Variants in EPB41L4A observed in about 807,000 individuals in gnomAD.
EPB41L4A encodes band 4.1-like protein 4A.
Under a neutral mutation model 108.6 loss-of-function variants are expected in EPB41L4A, and 100 were observed. The ratio of observed to expected loss-of-function variants is 0.92; its 90% CI spans 0.78 to 1.09. EPB41L4A has a LOEUF of 1.09. Ranked by LOEUF, EPB41L4A falls within the 50% of genes least tolerant of loss-of-function variation. The pLI is 0.00. For missense variants in EPB41L4A, 1,030 were observed against 842.7 expected (o/e 1.22, Z -2.75); for synonymous variants, 319 against 289.0 (o/e 1.10, Z -1.05).
chr5:112,366,569 C>T (rs1759134428), intron 1 of EPB41L4A, among the ~76,000 whole-genome samples: 1 of 152,042 alleles, frequency 6.6e-6, no homozygotes, highest in South Asian at 2.1e-4. Context: ...GAGCCGTGGC[C>T]TCTGCTGAGA....
intron 1 of EPB41L4A, among the ~76,000 whole-genome samples, chr5:112,408,613 T>G (rs1194769280): frequency 7.5e-6 from 1 of 133,330 alleles, no homozygotes; most frequent in Non-Finnish European, 1.5e-5. Flanking sequence ...AATCCCACTT[T>G]GGGAGAATCA....
intron 3 of EPB41L4A, among the ~76,000 whole-genome samples, chr5:112,277,264 C>A (rs1178666342): frequency 6.6e-6 from 1 of 152,138 alleles, no homozygotes; most frequent in Non-Finnish European, 1.5e-5. Flanking sequence ...GGCCTCAGAG[C>A]TGCTTCTATT....
intron 15 of EPB41L4A, among the ~76,000 whole-genome samples, chr5:112,199,053 G>C (rs1344522926): frequency 6.6e-6 from 1 of 152,134 alleles, no homozygotes; most frequent in African/African-American, 2.4e-5. Flanking sequence ...GGATGGTGCA[G>C]TGCACGTTAA....
At position 112,190,333 on chromosome 5, in the gene EPB41L4A, C is replaced by CGGTG. The variant is rs1761634165; in HGVS notation, c.1502+4234_1502+4235insCACC. 2.0e-5 allele frequency among the ~76,000 whole-genome samples: 3 copies of CGGTG among 151,970 alleles called. No homozygotes were observed. The South Asian group carries it at 6.2e-4, about 32-fold the overall frequency. ...AAGGGGGGGGTGTTACATAAACACC[C>CGGTG]CCTTATGAATCTGATAAAAACTACA... On this transcript the variant is annotated intron_variant, in intron 17 of 22. Coordinates refer to ENST00000261486, the MANE Select transcript of EPB41L4A (RefSeq NM_022140.5).
chr5:112,250,479 T>C (rs1580529603), intron 9 of EPB41L4A: 1 of 152,198 alleles, frequency 6.6e-6, no homozygotes, highest in African/African-American at 2.4e-5. Flanking sequence ...TGCAGATTGA[T>C]TTAATTTTTG....
chr5:112,150,271 A>C (rs758488218), intron 12 of EPB41L4A, among the ~76,000 whole-genome samples: 4 of 152,206 alleles, frequency 2.6e-5, no homozygotes, highest in Non-Finnish European at 4.4e-5. Flanking sequence ...ACATCAGTTC[A>C]CATTGAAAAA....
chr5:112,168,923 A>C (rs1332573356), intron 21 of EPB41L4A, 72 bp downstream of exon 21: 1 of 1,492,192 alleles, frequency 6.7e-7, no homozygotes, highest in Non-Finnish European at 9.3e-7. Context: ...TTCCATCAGC[A>C]AGTAAAGTTC....
chr5:112,297,165 T>C (rs1273218253), intron 2 of EPB41L4A, among the ~76,000 whole-genome samples: 5 of 152,150 alleles, frequency 3.3e-5, no homozygotes, highest in East Asian at 3.8e-4. Context: ...AGTAGTGGGA[T>C]TGCTGGATCA....
chr5:112,408,870 C>A (rs1052884132), intron 1 of EPB41L4A, among the ~76,000 whole-genome samples: 2 of 151,702 alleles, frequency 1.3e-5, no homozygotes, highest in African/African-American at 4.8e-5. Flanking sequence ...AAATTAGAAC[C>A]CTTATACATA....
At chr5:112,285,074 T>C (rs1036620554) in intron 2 of EPB41L4A, among the ~76,000 whole-genome samples, 4 of 152,138 alleles carry the variant, frequency 2.6e-5, no homozygotes, top group African/African-American at 9.7e-5. Flanking sequence ...AATAGTAGAA[T>C]AAACCCTAAA....
intron 17 of EPB41L4A, 74 bp downstream of exon 17, chr5:112,194,494 G>T: frequency 1.2e-6 from 1 of 825,228 alleles, no homozygotes. Context: ...GACTTACAAA[G>T]GACACTCAGT....
At chr5:112,273,018 A>T (rs557505505) in intron 4 of EPB41L4A, among the ~76,000 whole-genome samples, 1 of 152,296 alleles carries the variant, frequency 6.6e-6, no homozygotes, top group Non-Finnish European at 1.5e-5. Flanking sequence ...TGGCAGAAGT[A>T]TGCTCTTCCT....
intron 1 of EPB41L4A, among the ~76,000 whole-genome samples, chr5:112,338,636 C>T (rs1025164084): frequency 6.6e-6 from 1 of 152,202 alleles, no homozygotes; most frequent in African/African-American, 2.4e-5. Flanking sequence ...CCTAGCTTTC[C>T]ATTCTCTTCG....
intron 2 of EPB41L4A, among the ~76,000 whole-genome samples, chr5:112,296,994 C>T (rs201006260): frequency 4.3e-4 from 48 of 112,288 alleles, no homozygotes; most frequent in African/African-American, 8.5e-4. Flanking sequence ...CATACATACA[C>T]ACACACACAC....
intron 1 of EPB41L4A, among the ~76,000 whole-genome samples, chr5:112,325,168 G>A (rs1042290540): frequency 2.6e-5 from 4 of 152,204 alleles, no homozygotes; most frequent in Non-Finnish European, 4.4e-5. Context: ...AGGGCCGGGC[G>A]CGGTGGCTCA....
intron 1 of EPB41L4A, among the ~76,000 whole-genome samples, chr5:112,319,849 T>A (rs982269230): frequency 6.6e-6 from 1 of 152,196 alleles, no homozygotes; most frequent in Non-Finnish European, 1.5e-5. Flanking sequence ...GTTGAATAGT[T>A]CTGCCATGAT....
At chr5:112,161,025 T>C (rs528676137), downstream of EPB41L4A, 1 of 158,206 alleles carries the variant, frequency 6.3e-6, no homozygotes, top group Non-Finnish European at 1.4e-5. Context: ...GTCCGAAGTG[T>C]CCGGGGCCGT....
chr5:112,254,300 A>T (rs1750911757), intron 9 of EPB41L4A, among the ~76,000 whole-genome samples: 1 of 152,184 alleles, frequency 6.6e-6, no homozygotes, highest in Non-Finnish European at 1.5e-5. Flanking sequence ...GCTACCAATC[A>T]GAAACAATTT....
intron 21 of EPB41L4A, 49 bp from the exon 22 acceptor site, chr5:112,168,869 CAT>C: frequency 6.4e-7 from 1 of 1,555,418 alleles, no homozygotes; most frequent in Non-Finnish European, 8.9e-7. Context: ...TATCTAGAAT[CAT>C]AAATTAAGTT....
Sources: gnomAD v4.1 joint callset for allele counts (sites outside exome capture counted in the v4.1 genomes callset) on GRCh38, gnomAD v4.1.1 for gene constraint, MANE v1.5 for transcripts, NCBI Gene and HGNC (gene_info 2026-07-23, HGNC 2026-07-21) for gene names.